CFAP61: variants seen among roughly 807,000 people sequenced by gnomAD.
CFAP61 encodes the protein cilia- and flagella-associated protein 61.
In CFAP61, 107 loss-of-function variants were observed where a neutral mutation model predicts 135.6. That is an observed-to-expected ratio of 0.79 (90% CI 0.67 to 0.93). The LOEUF (loss-of-function observed/expected upper bound fraction) is 0.93. Ranked by LOEUF, CFAP61 falls within the 40% of genes least tolerant of loss-of-function variation. The pLI is 0.00. For synonymous variants in CFAP61, 575 were observed against 578.5 expected (o/e 0.99, Z 0.09); for missense variants, 1,507 against 1,556.2 (o/e 0.97, Z 0.53).
chr20:20,267,260 C>T (rs2052836716), intron 21 of CFAP61, among the ~76,000 whole-genome samples: 1 of 152,120 alleles, frequency 6.6e-6, no homozygotes. Context: ...ACAACGTGGG[C>T]TGGGCAGAGT....
intron 9 of CFAP61, among the ~76,000 whole-genome samples, chr20:20,155,733 C>T (rs1382662244): frequency 2.6e-5 from 4 of 152,098 alleles, no homozygotes; most frequent in Non-Finnish European, 5.9e-5. Flanking sequence ...CACCTTACTC[C>T]TACAAGAATG....
chr20:20,311,298 C>T (rs74928288), intron 25 of CFAP61, among the ~76,000 whole-genome samples: 2,278 of 152,304 alleles, frequency 0.015, 66 homozygotes, highest in African/African-American at 0.051. Flanking sequence ...ATCCTAGGAG[C>T]AGATGTTGTG....
chr20:20,085,938 G>A (rs564261951), intron 6 of CFAP61, among the ~76,000 whole-genome samples: 1 of 152,332 alleles, frequency 6.6e-6, no homozygotes, highest in South Asian at 2.1e-4. Context: ...GGCAGGTTAA[G>A]TGGGGAAGTG....
intron 8 of CFAP61, among the ~76,000 whole-genome samples, chr20:20,129,845 C>T (rs2050374268): frequency 2.6e-5 from 4 of 151,186 alleles, no homozygotes; most frequent in Admixed American, 2.6e-4. Context: ...TTGAGGGCCT[C>T]CAGTGAATTT....
At chr20:20,073,593 G>A (rs746697194) in intron 3 of CFAP61, among the ~76,000 whole-genome samples, 6 of 152,220 alleles carry the variant, frequency 3.9e-5, no homozygotes, top group Non-Finnish European at 5.9e-5. Context: ...CATAAGCACA[G>A]GGGTACCGAG....
chr20:20,180,194 A>G (rs2054949553), intron 13 of CFAP61, among the ~76,000 whole-genome samples: 1 of 152,090 alleles, frequency 6.6e-6, no homozygotes, highest in Non-Finnish European at 1.5e-5. Flanking sequence ...CCCCATTAAA[A>G]ACTGGGCACC....
intron 25 of CFAP61, among the ~76,000 whole-genome samples, chr20:20,340,536 G>A (rs1032000227): frequency 6.6e-5 from 10 of 152,126 alleles, no homozygotes; most frequent in South Asian, 2.1e-4. Flanking sequence ...TGAAGCAGAC[G>A]ATGAAGGGTC....
At chr20:20,091,087 A>G (rs2047166562) in intron 7 of CFAP61, 111 bp downstream of exon 7, 1 of 1,237,168 alleles carries the variant, frequency 8.1e-7, no homozygotes, top group Non-Finnish European at 1.2e-6. Context: ...CTCCCTGGCC[A>G]CCCCGGCCCT....
intron 9 of CFAP61, among the ~76,000 whole-genome samples, chr20:20,146,778 A>G (rs1032016594): frequency 1.3e-5 from 2 of 152,166 alleles, no homozygotes; most frequent in African/African-American, 2.4e-5. Context: ...TTAAGTTTCA[A>G]TAGTTTTGGG....
chr20:20,353,383 G>T (rs2058922028), intron 26 of CFAP61, among the ~76,000 whole-genome samples: 1 of 152,152 alleles, frequency 6.6e-6, no homozygotes, highest in African/African-American at 2.4e-5. Context: ...GATGGGAGGG[G>T]TCCTGTTCAT....
intron 1 of CFAP61, among the ~76,000 whole-genome samples, chr20:20,054,021 T>TGTTTTTGTTTTTG (rs1555826003): frequency 4.4e-4 from 64 of 146,736 alleles, no homozygotes; most frequent in African/African-American, 1.4e-3. Flanking sequence ...TTGTTTTTTT[T>TGTTTTTGTTTTTG]TTTTTTTTTT....
intron 9 of CFAP61, among the ~76,000 whole-genome samples, chr20:20,156,542 G>C (rs1275427694): frequency 1.3e-5 from 2 of 151,792 alleles, no homozygotes; most frequent in African/African-American, 2.4e-5. Flanking sequence ...AGTGCAAAAA[G>C]ATAGGAAAAG....
At chr20:20,253,435 C>A in intron 20 of CFAP61, 1 of 279,922 alleles carries the variant, frequency 3.6e-6, no homozygotes, top group South Asian at 3.3e-5. Flanking sequence ...AGGCAGAGCT[C>A]ACACATGGGT....
intron 18 of CFAP61, 141 bp downstream of exon 18, chr20:20,228,517 G>A: frequency 1.5e-6 from 1 of 657,414 alleles, no homozygotes; most frequent in Non-Finnish European, 2.5e-6. Context: ...GGATGAATCA[G>A]TAGAAGAATA....
At chr20:20,334,150 A>G (rs1212613503) in intron 25 of CFAP61, among the ~76,000 whole-genome samples, 2 of 151,912 alleles carry the variant, frequency 1.3e-5, no homozygotes, top group African/African-American at 4.8e-5. Context: ...TTTTTGAGAC[A>G]AAGTCTCGCT....
At chr20:20,298,139 A>G (rs1188055224) in intron 24 of CFAP61, 42 bp from the exon 25 acceptor site, 2 of 1,380,926 alleles carry the variant, frequency 1.4e-6, no homozygotes, top group African/African-American at 1.4e-5. Context: ...AAATCCAGGA[A>G]TGTTTCTAAT....
At chr20:20,245,967 T>A (rs907360403) in intron 18 of CFAP61, 150 bp from the exon 19 acceptor site, 2 of 602,394 alleles carry the variant, frequency 3.3e-6, no homozygotes, top group Non-Finnish European at 3.0e-6. Context: ...AAATGGTTGG[T>A]TCTATCTGAA....
rs564581189 is a variant in CFAP61, at chr20:20,071,131, G to A, written c.294+127G>A. ...GACATCATGACAGTTAAAAGTGAAGGGAGCTGGTGGGGAGGAAAAGAGGGC... is the reference window on the plus strand; with the variant it reads ...GACATCATGACAGTTAAAAGTGAAGAGAGCTGGTGGGGAGGAAAAGAGGGC... On this transcript the variant is annotated intron_variant, in intron 3 of 26. Coordinates refer to ENST00000245957, the MANE Select transcript of CFAP61 (RefSeq NM_015585.4). 27 of 945,204 alleles carry A rather than the reference G, an allele frequency of 2.9e-5. 1 individual carries two copies. In the East Asian group the frequency reaches 3.6e-4, roughly 13 times the overall value. The allele number at this position is 945,204 out of a possible 1,614,324, so 58.6% of individuals were successfully genotyped here.
chr20:20,084,145 C>T (rs560208666), intron 6 of CFAP61, among the ~76,000 whole-genome samples: 159 of 152,316 alleles, frequency 1.0e-3, no homozygotes, highest in South Asian at 2.3e-3. Context: ...TTAACTAGAA[C>T]ACACTGCATT....
Sources: gnomAD v4.1 joint callset for allele counts (sites outside exome capture counted in the v4.1 genomes callset) on GRCh38, gnomAD v4.1.1 for gene constraint, MANE v1.5 for transcripts, NCBI Gene and HGNC (gene_info 2026-07-23, HGNC 2026-07-21) for gene names.